Variants in ERCC1 observed in about 807,000 individuals in gnomAD.
ERCC1 encodes ERCC excision repair 1, endonuclease non-catalytic subunit, also known as DNA excision repair protein ERCC-1.
ERCC1 carries 36 observed loss-of-function variants against 37.6 expected under a neutral mutation model. That is an observed-to-expected ratio of 0.96 (90% CI 0.73 to 1.26). The LOEUF is 1.26. ERCC1 is among the 50% of genes most tolerant of loss of function. The pLI is 0.00. For missense variants in ERCC1, 349 were observed against 376.5 expected (o/e 0.93, Z 0.60); for synonymous variants, 156 against 162.1 (o/e 0.96, Z 0.28).
chr19:45,448,102 C>A (rs111377525), intron 1 of ERCC1, among the ~76,000 whole-genome samples: 2,358 of 152,288 alleles, frequency 0.015, 34 homozygotes, highest in Middle Eastern at 0.034. Context: ...AAACTCCTAA[C>A]CTCAGGTGAT....
At chr19:45,427,149 C>A (rs1343693379), upstream of ERCC1, among the ~76,000 whole-genome samples, 10 of 151,296 alleles carry the variant, frequency 6.6e-5, no homozygotes, top group Admixed American at 4.0e-4. Context: ...AACAAACAAA[C>A]AAACAAAAAA....
intron 2 of ERCC1, among the ~76,000 whole-genome samples, chr19:45,421,623 C>T (rs1010235608): frequency 1.1e-4 from 16 of 151,072 alleles, no homozygotes; most frequent in South Asian, 6.3e-4. Flanking sequence ...CCCACCACCA[C>T]GCCCAGCTAA....
At chr19:45,443,209 G>C (rs776121965) in intron 1 of ERCC1, among the ~76,000 whole-genome samples, 1 of 152,136 alleles carries the variant, frequency 6.6e-6, no homozygotes, top group East Asian at 1.9e-4. Context: ...CTCCAAGGAG[G>C]TATGGCTGTA....
chr19:45,410,350 A>T (rs1207469422), intron 9 of ERCC1: 4 of 150,888 alleles, frequency 2.7e-5, no homozygotes, highest in Admixed American at 2.0e-4. Flanking sequence ...TACCCGGCTA[A>T]TTTTTGTATT....
upstream of ERCC1, among the ~76,000 whole-genome samples, chr19:45,426,945 AG>A (rs1974707557): frequency 7.3e-6 from 1 of 136,812 alleles, no homozygotes; most frequent in South Asian, 2.4e-4. Flanking sequence ...GGGCGACAAA[AG>A]CGAAACTCCA....
At chr19:45,434,167 A>C (rs534938452) in intron 1 of ERCC1, among the ~76,000 whole-genome samples, 102 of 140,094 alleles carry the variant, frequency 7.3e-4, no homozygotes, top group South Asian at 4.6e-3. Context: ...AAAAAAAAAA[A>C]AAAAAAAAAG....
intron 1 of ERCC1, among the ~76,000 whole-genome samples, chr19:45,438,872 C>A (rs562765871): frequency 2.6e-5 from 4 of 152,170 alleles, no homozygotes; most frequent in Non-Finnish European, 4.4e-5. Context: ...AAATCCCGAC[C>A]TCAAGTGATC....
chr19:45,435,282 C>T (rs1222272134), intron 1 of ERCC1, among the ~76,000 whole-genome samples: 1 of 152,124 alleles, frequency 6.6e-6, no homozygotes, highest in Non-Finnish European at 1.5e-5. Context: ...TCACAGCAGC[C>T]CTCCACACTA....
chr19:45,408,051 C>CAAA lies in ERCC1; in HGVS notation c.*1621_*1623dup. ...CCTAGGCAACAGAGCAAGACTCTCT[C>CAAA]AAAAAAAAACAAAAAAAAAATCAAA... On this transcript the variant is annotated 3_prime_UTR_variant, in exon 10 of 10. Coordinates refer to ENST00000300853, the MANE Select transcript of ERCC1 (RefSeq NM_001983.4). 1 of 1,399,426 alleles carries CAAA rather than the reference C, an allele frequency of 7.1e-7. No homozygotes were observed. The highest frequency in any genetic ancestry group is 9.4e-7 in the Non-Finnish European group (1 of 1,064,224). 86.7% of individuals were successfully genotyped at this position (1,399,426 alleles called of 1,614,324 possible).
rs540662190 is a variant in ERCC1, at chr19:45,409,992, C to T, written c.844-267G>A. ...CTGCAAGCTCCGCCTCCCGGGTTCA[C>T]GCCATTCTCCTGCCTCAGCCTCCTG... On this transcript the variant is annotated intron_variant, in intron 9 of 9. Coordinates refer to ENST00000300853, the MANE Select transcript of ERCC1 (RefSeq NM_001983.4). 1,970 of 167,734 alleles carry T rather than the reference C, an allele frequency of 0.012. 20 individuals are homozygous for T. The highest frequency in any genetic ancestry group is 0.017 in the Non-Finnish European group (1,394 of 81,972). 10.4% of individuals were successfully genotyped at this position (167,734 alleles called of 1,614,324 possible).
chr19:45,442,671 G>A (rs1424221710), intron 1 of ERCC1, among the ~76,000 whole-genome samples: 2 of 152,224 alleles, frequency 1.3e-5, no homozygotes, highest in African/African-American at 2.4e-5. Context: ...AGATCAAAGA[G>A]GCAAGGTTCA....
chr19:45,408,954 A>G lies in ERCC1; in HGVS notation c.*721T>C, dbSNP rs760400069. The G allele has an allele frequency of 5.0e-6, 8 of 1,614,102 alleles. No individual in the cohort carries two copies. The East Asian group carries it at 1.1e-4, about 22-fold the overall frequency. ...GCCATCCCTCTGCCCCCTACGAAGA[A>G]GAGGAAAAAAGAAAAGGGACAGATG... On this transcript the variant is annotated 3_prime_UTR_variant, in exon 10 of 10. Transcript: ENST00000300853.
chr19:45,421,145 C>T (rs760405933), intron 3 of ERCC1, 33 bp downstream of exon 3: 2 of 1,596,202 alleles, frequency 1.3e-6, no homozygotes, highest in Non-Finnish European at 1.7e-6. Context: ...CACTGAAAAC[C>T]TCAAGGCCTC....
rs372444203 is a variant in ERCC1, at chr19:45,423,901, G to T, written c.-128C>A. 26 of 1,104,850 alleles carry T rather than the reference G, an allele frequency of 2.4e-5. 1 individual carries two copies. The African/African-American group carries it at 4.2e-4, about 18-fold the overall frequency. The allele number at this position is 1,104,850 out of a possible 1,614,324, so 68.4% of individuals were successfully genotyped here. On this transcript the variant is annotated 5_prime_UTR_variant, in exon 1 of 10. It adds an upstream start codon to the 5' untranslated region. Transcript: ENST00000300853. ...CTGCCAGCACGGCCAGCGTGGCCCAGGGCTCGCAGCACTTCCGGCCTCTCT... is the reference window on the plus strand; with the variant it reads ...CTGCCAGCACGGCCAGCGTGGCCCATGGCTCGCAGCACTTCCGGCCTCTCT...
At chr19:45,415,635 CAA>C (rs913880423) in intron 6 of ERCC1, among the ~76,000 whole-genome samples, 2 of 46,724 alleles carry the variant, frequency 4.3e-5, no homozygotes, top group Non-Finnish European at 8.5e-5. Context: ...GACTCCGTCT[CAA>C]AAAAAAAAAA....
chr19:45,421,326 T>A lies in ERCC1; in HGVS notation c.173A>T (p.Gln58Leu). 6.2e-7 allele frequency: 1 copy of A among 1,614,064 alleles called. No individual in the cohort carries two copies. The highest frequency in any genetic ancestry group is 8.5e-7 in the Non-Finnish European group (1 of 1,180,020). ...TVDTSAQAAP[Q>L]TYAEYAISQP... is the part of the protein sequence containing the mutation. ...TGAGATGGCATATTCGGCGTAGGTC[T>A]GAGGGGCCGCCTGGGCCGAGGTGTC... Residue 58 changes from glutamine (Q) to leucine (L), a missense_variant, in exon 3 of 10, where the codon CAG becomes CTG. Transcript: ENST00000300853.
upstream of ERCC1, among the ~76,000 whole-genome samples, chr19:45,427,740 A>G (rs529628996): frequency 3.5e-4 from 54 of 152,336 alleles, no homozygotes; most frequent in African/African-American, 1.3e-3. Context: ...TGGAATTGCC[A>G]GACTTAACCC....
At chr19:45,417,501 G>A (rs1485915670) in intron 5 of ERCC1, among the ~76,000 whole-genome samples, 1 of 152,180 alleles carries the variant, frequency 6.6e-6, no homozygotes, top group African/African-American at 2.4e-5. Flanking sequence ...CATGGGCAAA[G>A]GATGGGAGGG....
intron 9 of ERCC1, among the ~76,000 whole-genome samples, chr19:45,412,519 G>C (rs542857887): frequency 1.2e-4 from 19 of 152,112 alleles, no homozygotes; most frequent in Non-Finnish European, 2.1e-4. Flanking sequence ...CTTTTCATAT[G>C]CCTGCTTGCC....
Sources: allele counts gnomAD v4.1 joint callset (sites outside exome capture counted in the v4.1 genomes callset), GRCh38; gene constraint gnomAD v4.1.1; transcripts MANE v1.5; gene names NCBI Gene and HGNC (gene_info 2026-07-23, HGNC 2026-07-21).